ITPRID1: variants seen among roughly 807,000 people sequenced by gnomAD.
ITPRID1 encodes the protein protein ITPRID1.
In ITPRID1, 96 loss-of-function variants were observed where a neutral mutation model predicts 95.4. The observed-to-expected ratio is 1.01, with a 90% CI of 0.85 to 1.19. The LOEUF is 1.19. ITPRID1 is among the 50% of genes most tolerant of loss of function. The pLI, the probability that ITPRID1 is intolerant of heterozygous loss-of-function variation, is 0.00. For missense variants in ITPRID1, 1,339 were observed against 1,252.9 expected (o/e 1.07, Z -1.04); for synonymous variants, 510 against 453.6 (o/e 1.12, Z -1.58).
chr7:31,652,874 G>T lies in ITPRID1; in HGVS notation c.*45G>T. 1 of 1,577,336 alleles carries T rather than the reference G, an allele frequency of 6.3e-7. No individual in the cohort carries two copies. The highest frequency in any genetic ancestry group is 1.2e-5 in the South Asian group (1 of 86,880). On this transcript the variant is annotated 3_prime_UTR_variant, in exon 15 of 15. Coordinates refer to ENST00000615280, the MANE Select transcript of ITPRID1 (RefSeq NM_001257967.3). ...CCTTCATACAAAATATAAAGGCCCA[G>T]AACAGATGTAGCAAGGAAATTTCAA... is the stretch of plus-strand genomic sequence containing the variant.
In ITPRID1 at chr7:31,567,041, A is replaced by G. The variant is rs188896510; in HGVS notation, c.257-2717A>G. On this transcript the variant is annotated intron_variant, in intron 5 of 14. Coordinates refer to ENST00000615280, the MANE Select transcript of ITPRID1 (RefSeq NM_001257967.3). ...ATTATTGTGGAATTCCTATGATAAA[A>G]CCTAGTGTTTTAAAACTACGAAGAT... is the stretch of plus-strand genomic sequence containing the variant. Among the ~76,000 whole-genome samples, 754 of 152,274 alleles carry G rather than the reference A, an allele frequency of 5.0e-3. 8 individuals carry two copies. The highest frequency in any genetic ancestry group is 0.017 in the African/African-American group (717 of 41,536).
intron 9 of ITPRID1, among the ~76,000 whole-genome samples, chr7:31,582,392 T>C (rs950005592): frequency 6.6e-6 from 1 of 152,160 alleles, no homozygotes; most frequent in East Asian, 1.9e-4. Context: ...CAAAATGTTT[T>C]TGGAGTAACA....
intron 10 of ITPRID1, among the ~76,000 whole-genome samples, chr7:31,624,215 C>G (rs928443836): frequency 3.5e-4 from 52 of 147,028 alleles, no homozygotes; most frequent in Middle Eastern, 3.6e-3. Flanking sequence ...TTTATAGATT[C>G]AATGCCATCC....
At position 31,653,351 on chromosome 7, in the gene ITPRID1, G is replaced by A. The variant is rs1791122277; in HGVS notation, c.*522G>A. ...CTTTTCTCATGAGAGAAGGGGTAGA[G>A]GAACTGTCACTTATGCATTCACCTA... On this transcript the variant is annotated 3_prime_UTR_variant, in exon 15 of 15. Transcript: ENST00000615280. 1 of 158,356 alleles carries A rather than the reference G, an allele frequency of 6.3e-6. No individual in the cohort carries two copies. The highest frequency in any genetic ancestry group is 1.4e-5 in the Non-Finnish European group (1 of 71,244). The allele number at this position is 158,356 out of a possible 1,614,324, so 9.8% of individuals were successfully genotyped here.
intron 13 of ITPRID1, among the ~76,000 whole-genome samples, 197 bp downstream of exon 13, chr7:31,651,466 T>C (rs535338847): frequency 2.0e-5 from 3 of 152,224 alleles, no homozygotes; most frequent in Admixed American, 6.5e-5. Flanking sequence ...GCAATACTTA[T>C]TCTTGGAGAA....
At chr7:31,528,949 T>C (rs1783505198) in intron 1 of ITPRID1, among the ~76,000 whole-genome samples, 1 of 152,204 alleles carries the variant, frequency 6.6e-6, no homozygotes, top group Non-Finnish European at 1.5e-5. Context: ...GGTAGTGCTT[T>C]AGCATTATGT....
downstream of ITPRID1, chr7:31,658,188 A>G: frequency 8.2e-7 from 1 of 1,222,110 alleles, no homozygotes. Flanking sequence ...GTGTAAGGAT[A>G]TTCGTTTTTT....
intron 5 of ITPRID1, among the ~76,000 whole-genome samples, chr7:31,561,233 A>G (rs1385949656): frequency 2.0e-5 from 3 of 152,228 alleles, no homozygotes; most frequent in Admixed American, 1.3e-4. Flanking sequence ...GAAAGGGAGC[A>G]GTTAATTGAA....
chr7:31,516,889 T>C (rs1292980850), intron 1 of ITPRID1, among the ~76,000 whole-genome samples: 2 of 152,166 alleles, frequency 1.3e-5, no homozygotes, highest in Non-Finnish European at 2.9e-5. Flanking sequence ...TCACAGTTCT[T>C]AAAAATGGTG....
chr7:31,564,610 T>A (rs556647340), intron 5 of ITPRID1, among the ~76,000 whole-genome samples: 16 of 152,282 alleles, frequency 1.1e-4, no homozygotes, highest in African/African-American at 3.8e-4. Context: ...CCTGGGGCAG[T>A]CTCAAGCCTG....
At chr7:31,629,755 C>A (rs897146962) in intron 10 of ITPRID1, among the ~76,000 whole-genome samples, 1 of 152,048 alleles carries the variant, frequency 6.6e-6, no homozygotes, top group African/African-American at 2.4e-5. Flanking sequence ...TTGCAACTCA[C>A]GAATTGTGTG....
chr7:31,543,780 C>T (rs555537832), intron 1 of ITPRID1, among the ~76,000 whole-genome samples: 52 of 152,140 alleles, frequency 3.4e-4, no homozygotes, highest in Non-Finnish European at 6.6e-4. Context: ...TGGAGATCAT[C>T]GTATCACTTT....
At chr7:31,647,427 C>G (rs1790563933) in intron 12 of ITPRID1, among the ~76,000 whole-genome samples, 1 of 150,662 alleles carries the variant, frequency 6.6e-6, no homozygotes, top group African/African-American at 2.4e-5. Flanking sequence ...TTTGGGAGGC[C>G]AAGATGGGTG....
chr7:31,633,402 A>T (rs1789196988), intron 10 of ITPRID1, among the ~76,000 whole-genome samples: 1 of 152,250 alleles, frequency 6.6e-6, no homozygotes, highest in Non-Finnish European at 1.5e-5. Flanking sequence ...ACCAAAAGTG[A>T]GTAAGCACTA....
chr7:31,614,295 G>A (rs1325903710), intron 10 of ITPRID1, among the ~76,000 whole-genome samples: 1 of 152,112 alleles, frequency 6.6e-6, no homozygotes, highest in African/African-American at 2.4e-5. Flanking sequence ...ACAGGGGAAG[G>A]CTAGATCTAG....
At chr7:31,522,002 C>T (rs1223802860) in intron 1 of ITPRID1, among the ~76,000 whole-genome samples, 2 of 146,786 alleles carry the variant, frequency 1.4e-5, no homozygotes, top group Non-Finnish European at 3.0e-5. Flanking sequence ...CTTCCAAGCT[C>T]TTTATGGGAA....
rs757592930 is a variant in ITPRID1 at position 31,643,270 on chromosome 7, C to T, written c.1900C>T (p.Leu634Phe). ...CTGTCCTCACACCAACCACAGCTTA[C>T]TCGTACCAGAAAGCTCATCACAGTG... ...GFCPHTNHSL[L>F]VPESSSQCIP... is the part of the protein sequence containing the mutation. Residue 634 changes from leucine to phenylalanine, a missense_variant, in exon 12 of 15, where the codon CTC becomes TTC. Transcript: ENST00000615280. 1.2e-6 allele frequency: 2 copies of T among 1,613,812 alleles called. No homozygotes were observed. Among genetic ancestry groups the T allele is most frequent in the Admixed American group, 1.7e-5 (1 of 60,020 alleles).
At chr7:31,634,669 G>A (rs1338923122) in intron 10 of ITPRID1, among the ~76,000 whole-genome samples, 1 of 152,152 alleles carries the variant, frequency 6.6e-6, no homozygotes, top group Non-Finnish European at 1.5e-5. Flanking sequence ...CAGGATGGGG[G>A]AACCAGCAGT....
In ITPRID1 at chr7:31,554,888, C is replaced by A. The variant is rs767572189; in HGVS notation, c.243C>A (p.Val81=). 6.3e-7 allele frequency: 1 copy of A among 1,582,478 alleles called. No individual in the cohort carries two copies. Among genetic ancestry groups the A allele is most frequent in the South Asian group, 1.2e-5 (1 of 86,674 alleles). Residue 81 remains valine, a synonymous_variant, in exon 5 of 15, where the codon GTC becomes GTA. Transcript: ENST00000615280. ...FVSANENFQQ[V]IDRTVSLYEQ... is the part of the protein sequence containing the mutation. ...CTGCAAATGAAAACTTTCAACAAGT[C>A]ATTGACCGCACTGGTAAGACAAGAG...
Sources: gnomAD v4.1 joint callset for allele counts (sites outside exome capture counted in the v4.1 genomes callset) on GRCh38, gnomAD v4.1.1 for gene constraint, MANE v1.5 for transcripts, NCBI Gene and HGNC (gene_info 2026-07-23, HGNC 2026-07-21) for gene names.